Variants in TAFA2 observed in about 807,000 individuals in gnomAD.
TAFA2 encodes the protein chemokine-like protein TAFA-2.
In TAFA2, 7 loss-of-function variants were observed where a neutral mutation model predicts 18.8. The ratio of observed to expected loss-of-function variants is 0.37; its 90% CI spans 0.21 to 0.70. TAFA2 has a LOEUF of 0.70. TAFA2 is among the 30% of genes least tolerant of loss of function. The probability of loss-of-function intolerance (pLI) is 0.53; values close to 1 mark genes in which losing one functional copy is unlikely to be tolerated. For missense variants in TAFA2, 122 were observed against 158.1 expected (o/e 0.77, Z 1.23); for synonymous variants, 60 against 54.2 (o/e 1.11, Z -0.47).
intron 2 of TAFA2, among the ~76,000 whole-genome samples, chr12:61,830,453 G>A (rs1872676423): frequency 6.6e-6 from 1 of 151,514 alleles, no homozygotes; most frequent in African/African-American, 2.4e-5. Flanking sequence ...GCAGCAATAA[G>A]GATATAACTG....
In TAFA2 at chr12:61,753,644, C is replaced by G; in HGVS notation, c.362G>C (p.Gly121Ala). The G allele has an allele frequency of 6.2e-7, 1 of 1,612,154 alleles. No homozygotes were observed. Among genetic ancestry groups the G allele is most frequent in the South Asian group, 1.1e-5 (1 of 90,944 alleles). The change falls in exon 4 of 5, where the codon GGG (glycine) becomes GCG (alanine). Residue 121 changes from glycine to alanine, a missense_variant. Gly to Ala is a moderately conservative substitution (Grantham distance 60). Coordinates refer to ENST00000416284, the MANE Select transcript of TAFA2 (RefSeq NM_178539.5). ...TACCCTAGTTGTTTTGACTTTATTCCCAGAGGAACAGCTCCATCCTTTCCG... is the reference window on the plus strand; with the variant it reads ...TACCCTAGTTGTTTTGACTTTATTCGCAGAGGAACAGCTCCATCCTTTCCG... ...PDRKGWSCSS[G>A]NKVKTTRVTH
chr12:62,038,592 T>G (rs1457097877), intron 1 of TAFA2, among the ~76,000 whole-genome samples: 2 of 152,122 alleles, frequency 1.3e-5, no homozygotes, highest in Non-Finnish European at 2.9e-5. Flanking sequence ...CCACATACTT[T>G]GGTAAGCAAG....
rs186844645 is a variant in TAFA2, at chr12:61,727,049, A to G, written c.385-16632T>C. 2.3e-4 allele frequency among the ~76,000 whole-genome samples: 35 copies of G among 152,074 alleles called. No homozygotes were observed. In the East Asian group the frequency reaches 5.2e-3, roughly 23 times the overall value. ...TCACATTTATTGACTTCCATATGTT[A>G]AGCCATCCCTGAATCCCTGGTATGA... On this transcript the variant is annotated intron_variant, in intron 4 of 4. Transcript: ENST00000416284.
At chr12:62,089,329 T>G (rs1868608995) in intron 1 of TAFA2, among the ~76,000 whole-genome samples, 1 of 152,096 alleles carries the variant, frequency 6.6e-6, no homozygotes, top group Non-Finnish European at 1.5e-5. Flanking sequence ...GGAATTACTG[T>G]ATGTCACCTG....
chr12:61,801,464 T>G (rs941557845), intron 2 of TAFA2, among the ~76,000 whole-genome samples: 2 of 152,016 alleles, frequency 1.3e-5, no homozygotes, highest in Non-Finnish European at 2.9e-5. Context: ...ACATATTTAC[T>G]GCCAGTTTAT....
intron 2 of TAFA2, among the ~76,000 whole-genome samples, chr12:61,815,143 ATAG>A (rs1872026005): frequency 6.6e-6 from 1 of 151,506 alleles, no homozygotes; most frequent in African/African-American, 2.5e-5. Flanking sequence ...CATGGCAGAA[ATAG>A]TAGAGAGGAG....
chr12:61,970,520 CA>C (rs1160946359), intron 1 of TAFA2, among the ~76,000 whole-genome samples: 2 of 20,182 alleles, frequency 9.9e-5, no homozygotes, highest in Non-Finnish European at 2.7e-4. Context: ...TCATTTTGGC[CA>C]AAAGAATTTT....
intron 1 of TAFA2, among the ~76,000 whole-genome samples, chr12:62,224,090 C>CACAA (rs2062775777): frequency 1.4e-5 from 2 of 146,980 alleles, no homozygotes. Flanking sequence ...CATACACACA[C>CACAA]ACACACACAC....
chr12:62,020,986 A>T (rs1163986945), intron 1 of TAFA2, among the ~76,000 whole-genome samples: 31 of 152,184 alleles, frequency 2.0e-4, no homozygotes. Context: ...TCCTTTGCCT[A>T]TTGTCCATGG....
chr12:61,898,591 C>T (rs1264240558), intron 1 of TAFA2, among the ~76,000 whole-genome samples: 1 of 152,184 alleles, frequency 6.6e-6, no homozygotes, highest in African/African-American at 2.4e-5. Flanking sequence ...CAAGTGGTAC[C>T]CTGGCCCCTT....
At chr12:62,034,524 T>C (rs1453991807) in intron 1 of TAFA2, among the ~76,000 whole-genome samples, 1 of 152,198 alleles carries the variant, frequency 6.6e-6, no homozygotes, top group African/African-American at 2.4e-5. Context: ...CTGTTTTCTA[T>C]TTGAAAAATC....
chr12:62,013,399 T>C (rs1880831566), intron 1 of TAFA2, among the ~76,000 whole-genome samples: 2 of 152,172 alleles, frequency 1.3e-5, no homozygotes, highest in South Asian at 4.1e-4. Flanking sequence ...AAAGTAGGTG[T>C]GTTCATAAAC....
At chr12:61,990,523 T>G (rs899526439) in intron 1 of TAFA2, among the ~76,000 whole-genome samples, 11 of 151,914 alleles carry the variant, frequency 7.2e-5, no homozygotes, top group African/African-American at 2.7e-4. Context: ...GCATTTTTAA[T>G]AGAGACGGGG....
chr12:62,226,842 C>G (rs1390865292), intron 1 of TAFA2, among the ~76,000 whole-genome samples: 1 of 152,188 alleles, frequency 6.6e-6, no homozygotes, highest in African/African-American at 2.4e-5. Context: ...TCAAATCTGG[C>G]CCGTCCCCTG....
At chr12:61,763,874 G>A (rs1441915293) in intron 2 of TAFA2, among the ~76,000 whole-genome samples, 1 of 151,842 alleles carries the variant, frequency 6.6e-6, no homozygotes, top group Admixed American at 6.6e-5. Context: ...GTTTTTTTCT[G>A]AATTCCTGAA....
chr12:61,858,129 A>G (rs1192646468), intron 2 of TAFA2, among the ~76,000 whole-genome samples: 1 of 152,204 alleles, frequency 6.6e-6, no homozygotes, highest in Admixed American at 6.5e-5. Context: ...GGGCTTTGGC[A>G]GACCCTGCAG....
rs1878272024 is a variant in TAFA2 at position 61,946,411 on chromosome 12, T to G, written c.-1-78985A>C. Among the ~76,000 whole-genome samples the G allele has an allele frequency of 5.1e-5, 6 of 117,868 alleles. No individual in the cohort carries two copies. In the Admixed American group the frequency reaches 5.4e-4, roughly 11 times the overall value. The allele number at this position is 117,868 out of a possible 152,430, so 77.3% of individuals were successfully genotyped here. A position where few individuals can be genotyped will look rare whatever the true frequency, so the allele number is the denominator to read the frequency against. ...CATAGGCGTGGGCAAGGACTTCATG[T>G]CCAAAACACCAAAAGCAATGGCAAC... On this transcript the variant is annotated intron_variant, in intron 1 of 4. Coordinates refer to ENST00000416284, the MANE Select transcript of TAFA2 (RefSeq NM_178539.5).
chr12:62,260,024 T>G, upstream of TAFA2: 4 of 227,726 alleles, frequency 1.8e-5, no homozygotes, highest in East Asian at 1.5e-4. Flanking sequence ...CCCTCAAGCG[T>G]GAGTGAATGC....
chr12:62,198,826 T>C (rs890470607), intron 1 of TAFA2, among the ~76,000 whole-genome samples: 5 of 152,170 alleles, frequency 3.3e-5, no homozygotes, highest in Non-Finnish European at 5.9e-5. Context: ...ATAAATACTC[T>C]ATAAATACTT....
Sources: allele counts gnomAD v4.1 joint callset (sites outside exome capture counted in the v4.1 genomes callset), GRCh38; gene constraint gnomAD v4.1.1; transcripts MANE v1.5; gene names NCBI Gene and HGNC (gene_info 2026-07-23, HGNC 2026-07-21).